The following RAP1A variants were observed in gnomAD, a reference collection of about 807,000 sequenced individuals.
The protein encoded by RAP1A is ras-related protein Rap-1A.
A neutral mutation model predicts 26.4 loss-of-function variants in RAP1A; 6 were observed. That is an observed-to-expected ratio of 0.23 (90% CI 0.12 to 0.45). The LOEUF (loss-of-function observed/expected upper bound fraction) is 0.45, where lower values mean the gene tolerates loss of function less well. Ranked by LOEUF, RAP1A falls within the 20% of genes least tolerant of loss-of-function variation. The pLI is 0.99. For synonymous variants in RAP1A, 73 were observed against 79.4 expected (o/e 0.92, Z 0.43); for missense variants, 121 against 217.2 (o/e 0.56, Z 2.78).
chr1:111,711,116 C>T (rs1211753326), intron 7 of RAP1A, among the ~76,000 whole-genome samples: 2 of 152,162 alleles, frequency 1.3e-5, no homozygotes, highest in African/African-American at 4.8e-5. Flanking sequence ...GGATTACAGG[C>T]GTGAGCCACC....
intron 5 of RAP1A, 123 bp from the exon 6 acceptor site, chr1:111,704,220 T>G (rs1161759647): frequency 3.1e-6 from 3 of 983,218 alleles, no homozygotes; most frequent in Non-Finnish European, 4.3e-6. Context: ...CGTTAGTATT[T>G]GATGAAGCTT....
intron 6 of RAP1A, among the ~76,000 whole-genome samples, chr1:111,705,749 A>G (rs1662169017): frequency 6.6e-6 from 1 of 152,230 alleles, no homozygotes; most frequent in Non-Finnish European, 1.5e-5. Flanking sequence ...TAATTAAAGA[A>G]AAAAAGTGAT....
intron 1 of RAP1A, chr1:111,649,222 CCTT>C (rs1268384047): frequency 1.0e-5 from 5 of 487,160 alleles, no homozygotes; most frequent in African/African-American, 3.9e-5. Flanking sequence ...AGCTGGGGTC[CCTT>C]CTTCTCCAGG....
chr1:111,709,109 A>C (rs1307630967), intron 6 of RAP1A, 40 bp from the exon 7 acceptor site: 2 of 1,584,166 alleles, frequency 1.3e-6, no homozygotes, highest in South Asian at 2.3e-5. Flanking sequence ...AAGTCTCAAA[A>C]ACTGGTGGAG....
chr1:111,581,294 A>G (rs1431744005), intron 1 of RAP1A, among the ~76,000 whole-genome samples: 1 of 152,172 alleles, frequency 6.6e-6, no homozygotes, highest in East Asian at 1.9e-4. Context: ...CTAAACATGA[A>G]GACTGGAGAG....
chr1:111,687,776 G>C (rs912649492), intron 1 of RAP1A, among the ~76,000 whole-genome samples: 28 of 152,128 alleles, frequency 1.8e-4, no homozygotes, highest in African/African-American at 6.5e-4. Flanking sequence ...CACTTTGGGA[G>C]GCCAAGGTGG....
intron 1 of RAP1A, among the ~76,000 whole-genome samples, chr1:111,656,090 C>T (rs2101146958): frequency 6.6e-6 from 1 of 152,186 alleles, no homozygotes; most frequent in Non-Finnish European, 1.5e-5. Context: ...TTCATTGCAG[C>T]ATTATCTGTA....
chr1:111,548,651 GATTA>G (rs933077731), intron 1 of RAP1A, among the ~76,000 whole-genome samples: 20 of 152,298 alleles, frequency 1.3e-4, no homozygotes, highest in African/African-American at 3.4e-4. Context: ...TCACAAACAA[GATTA>G]ATTTTTTCCT....
intron 1 of RAP1A, among the ~76,000 whole-genome samples, chr1:111,677,958 G>A (rs1308970044): frequency 1.3e-5 from 2 of 152,188 alleles, no homozygotes; most frequent in African/African-American, 4.8e-5. Context: ...ATGAATTAAT[G>A]TGTTGCTGTG....
intron 1 of RAP1A, among the ~76,000 whole-genome samples, chr1:111,668,147 A>G (rs12735640): frequency 0.073 from 11,167 of 152,232 alleles, 479 homozygotes; most frequent in African/African-American, 0.13. Flanking sequence ...TCTAAATCAC[A>G]CTTTTTGGGT....
chr1:111,703,412 A>G lies in RAP1A; in HGVS notation c.260A>G (p.Gln87Arg). Reference protein sequence around the residue: ...GFALVYSITAQSTFNDLQDLR... With the variant: ...GFALVYSITARSTFNDLQDLR... ...GCACTAGTATATTCTATTACAGCTC[A>G]GTCCACGTTTAACGACTTACAGGAC... is the stretch of plus-strand genomic sequence containing the variant. Residue 87 changes from glutamine (Q) to arginine (R), a missense_variant, in exon 5 of 8, where the codon CAG becomes CGG. Gln to Arg is a conservative substitution (Grantham distance 43). Coordinates refer to ENST00000369709, the MANE Select transcript of RAP1A (RefSeq NM_002884.4). 1 of 1,605,668 alleles carries G rather than the reference A, an allele frequency of 6.2e-7. No homozygotes were observed. The highest frequency in any genetic ancestry group is 8.5e-7 in the Non-Finnish European group (1 of 1,173,856).
chr1:111,591,148 A>G (rs1452653141), intron 1 of RAP1A, among the ~76,000 whole-genome samples: 1 of 152,152 alleles, frequency 6.6e-6, no homozygotes, highest in Non-Finnish European at 1.5e-5. Context: ...GGAACTGGCC[A>G]TTTCACATAA....
intron 1 of RAP1A, among the ~76,000 whole-genome samples, chr1:111,586,337 A>C (rs1034701343): frequency 6.6e-6 from 1 of 152,234 alleles, no homozygotes; most frequent in Admixed American, 6.5e-5. Context: ...TCATGGCTAC[A>C]GTCTAACTGA....
chr1:111,548,385 G>A (rs572662348), intron 1 of RAP1A, among the ~76,000 whole-genome samples: 5 of 152,192 alleles, frequency 3.3e-5, no homozygotes, highest in Non-Finnish European at 7.3e-5. Context: ...GATCATACTG[G>A]TAAAACTATA....
chr1:111,688,190 C>T (rs147932001), intron 1 of RAP1A, among the ~76,000 whole-genome samples: 439 of 144,102 alleles, frequency 3.0e-3, no homozygotes, highest in African/African-American at 0.011. Context: ...TTGTATTTAT[C>T]GTTGTAGGTT....
chr1:111,584,528 G>C (rs1017647632), intron 1 of RAP1A, among the ~76,000 whole-genome samples: 1 of 152,042 alleles, frequency 6.6e-6, no homozygotes, highest in Non-Finnish European at 1.5e-5. Context: ...ATTCATTCAG[G>C]TGGAGCCCTC....
At position 111,713,383 on chromosome 1, in the gene RAP1A, G is replaced by C. The variant is rs1463489559; in HGVS notation, c.*982G>C. The C allele has an allele frequency of 6.6e-6, 1 of 152,030 alleles. No individual in the cohort carries two copies. Among genetic ancestry groups the C allele is most frequent in the African/African-American group, 2.4e-5 (1 of 41,404 alleles). 9.4% of individuals were successfully genotyped at this position (152,030 alleles called of 1,614,324 possible). A position where few individuals can be genotyped will look rare whatever the true frequency, so the allele number is the denominator to read the frequency against. On this transcript the variant is annotated 3_prime_UTR_variant, in exon 8 of 8. Transcript: ENST00000369709. ...TTGATCTTAAAGATTGTATCTTATT[G>C]AATATCCCACTGTATATTATTTTTA...
chr1:111,569,006 A>T (rs917846619), intron 1 of RAP1A, among the ~76,000 whole-genome samples: 1 of 152,048 alleles, frequency 6.6e-6, no homozygotes, highest in African/African-American at 2.4e-5. Context: ...TAATATACAA[A>T]ATTTTATTTT....
At chr1:111,702,307 A>AT (rs896987139) in intron 4 of RAP1A, among the ~76,000 whole-genome samples, 46 of 151,762 alleles carry the variant, frequency 3.0e-4, no homozygotes, top group African/African-American at 1.0e-3. Context: ...TTTAAGTAAT[A>AT]TATATATATA....
Sources: gnomAD v4.1 joint callset for allele counts (sites outside exome capture counted in the v4.1 genomes callset) on GRCh38, gnomAD v4.1.1 for gene constraint, MANE v1.5 for transcripts, NCBI Gene and HGNC (gene_info 2026-07-23, HGNC 2026-07-21) for gene names.